Variants in CEP85L observed in about 807,000 individuals in gnomAD.
The protein encoded by CEP85L is centrosomal protein of 85 kDa-like.
Under a neutral mutation model 100.3 loss-of-function variants are expected in CEP85L, and 60 were observed. That is an observed-to-expected ratio of 0.60 (90% confidence interval 0.49 to 0.74). The LOEUF is 0.74. Among genes scored for constraint, CEP85L ranks in the 30% least tolerant of loss-of-function variants. The pLI, the probability that CEP85L is intolerant of heterozygous loss-of-function variation, is 0.00. For missense variants in CEP85L, 973 were observed against 936.2 expected (o/e 1.04, Z -0.51); for synonymous variants, 319 against 322.7 (o/e 0.99, Z 0.12).
chr6:118,473,240 A>T (rs1050546426), intron 10 of CEP85L, among the ~76,000 whole-genome samples: 10 of 152,310 alleles, frequency 6.6e-5, no homozygotes, highest in Admixed American at 3.9e-4. Flanking sequence ...AGACCAAAAG[A>T]AATAAAATAA....
intron 4 of CEP85L, among the ~76,000 whole-genome samples, chr6:118,517,162 GA>G (rs1776333693): frequency 6.6e-6 from 1 of 152,170 alleles, no homozygotes; most frequent in South Asian, 2.1e-4. Context: ...AGTATAGTTT[GA>G]AGTCAAGTAG....
At chr6:118,479,615 A>G (rs998054632) in intron 10 of CEP85L, among the ~76,000 whole-genome samples, 1 of 152,030 alleles carries the variant, frequency 6.6e-6, no homozygotes, top group African/African-American at 2.4e-5. Flanking sequence ...TTGGTTTTGT[A>G]TTCTCTCCAA....
intron 3 of CEP85L, among the ~76,000 whole-genome samples, chr6:118,545,974 TG>T (rs1778176207): frequency 6.6e-6 from 1 of 152,152 alleles, no homozygotes. Flanking sequence ...TAACTCCAAA[TG>T]AAGACTGTGA....
intron 5 of CEP85L, among the ~76,000 whole-genome samples, chr6:118,506,480 T>C (rs1775666474): frequency 6.6e-6 from 1 of 152,196 alleles, no homozygotes; most frequent in Non-Finnish European, 1.5e-5. Context: ...AGGTACTCTT[T>C]TACAATTTTC....
chr6:118,626,081 G>A (rs1773771900), intron 2 of CEP85L, among the ~76,000 whole-genome samples: 1 of 152,122 alleles, frequency 6.6e-6, no homozygotes, highest in African/African-American at 2.4e-5. Context: ...ACAGCAGTTG[G>A]GGTGTCCTGT....
At chr6:118,503,078 A>T (rs1302395255) in intron 5 of CEP85L, among the ~76,000 whole-genome samples, 3 of 152,222 alleles carry the variant, frequency 2.0e-5, no homozygotes, top group Non-Finnish European at 4.4e-5. Flanking sequence ...ACCTTCCTGG[A>T]ACTAATTATA....
chr6:118,551,353 C>A (rs1778532973), intron 3 of CEP85L, among the ~76,000 whole-genome samples: 1 of 151,286 alleles, frequency 6.6e-6, no homozygotes, highest in African/African-American at 2.4e-5. Flanking sequence ...TTGACTAACT[C>A]ACTCACATTA....
At chr6:118,585,054 T>C (rs769683102) in intron 2 of CEP85L, among the ~76,000 whole-genome samples, 10 of 152,188 alleles carry the variant, frequency 6.6e-5, no homozygotes, top group Non-Finnish European at 1.2e-4. Context: ...TCTTGACAGA[T>C]GGGAGCTCTT....
At chr6:118,707,392 C>T (rs137967979) in intron 1 of CEP85L, among the ~76,000 whole-genome samples, 124 of 151,748 alleles carry the variant, frequency 8.2e-4, no homozygotes, top group African/African-American at 2.8e-3. Context: ...TAAAATTTTG[C>T]CATGTTGCCC....
intron 1 of CEP85L, among the ~76,000 whole-genome samples, chr6:118,706,162 A>G (rs7746210): frequency 0.32 from 48,206 of 152,070 alleles, 8,063 homozygotes; most frequent in Non-Finnish European, 0.37. Context: ...CTTAAATTTA[A>G]CCACAGAACA....
chr6:118,604,388 T>C (rs1772037082), intron 2 of CEP85L, among the ~76,000 whole-genome samples: 1 of 152,232 alleles, frequency 6.6e-6, no homozygotes, highest in African/African-American at 2.4e-5. Context: ...CTCTCTCAAT[T>C]TTTTTCACAC....
At chr6:118,600,379 G>A (rs867657184) in intron 2 of CEP85L, among the ~76,000 whole-genome samples, 1 of 127,926 alleles carries the variant, frequency 7.8e-6, no homozygotes, top group African/African-American at 2.9e-5. Context: ...GTAACGCCAT[G>A]GAGCAATCTC....
chr6:118,560,631 A>G (rs1371416562), intron 3 of CEP85L: 1 of 167,020 alleles, frequency 6.0e-6, no homozygotes. Flanking sequence ...TTCTTCCTCT[A>G]TCAACCAAAT....
chr6:118,606,658 A>G (rs1772243648), intron 2 of CEP85L, among the ~76,000 whole-genome samples: 2 of 152,366 alleles, frequency 1.3e-5, no homozygotes, highest in African/African-American at 4.8e-5. Context: ...TGGAGACTTC[A>G]TCCAGTATTT....
At chr6:118,512,205 T>G (rs1208198229) in intron 4 of CEP85L, among the ~76,000 whole-genome samples, 1 of 152,074 alleles carries the variant, frequency 6.6e-6, no homozygotes, top group African/African-American at 2.4e-5. Flanking sequence ...AGCACAGGAA[T>G]GGTGGTCTCC....
At chr6:118,541,259 C>G (rs778280057) in intron 3 of CEP85L, among the ~76,000 whole-genome samples, 1 of 152,188 alleles carries the variant, frequency 6.6e-6, no homozygotes, top group African/African-American at 2.4e-5. Context: ...CAAATTAAAT[C>G]AGCAGATGAT....
At chr6:118,567,229 GTGTGTGTGTGTGTGTGTGTGTATATATA>G (rs1296911274) in intron 2 of CEP85L, among the ~76,000 whole-genome samples, 5 of 79,586 alleles carry the variant, frequency 6.3e-5, no homozygotes, top group African/African-American at 2.5e-4. Context: ...GTGTGTGTGT[GTGTGTGTGTGTGTGTGTGTGTATATATA>G]TATATATATA....
chr6:118,581,911 T>C (rs1400937729), intron 2 of CEP85L, among the ~76,000 whole-genome samples: 1 of 152,168 alleles, frequency 6.6e-6, no homozygotes, highest in African/African-American at 2.4e-5. Context: ...ATTTTAATAT[T>C]ATCCAACAGT....
At chr6:118,618,191 AG>A (rs1773196800) in intron 2 of CEP85L, among the ~76,000 whole-genome samples, 1 of 152,224 alleles carries the variant, frequency 6.6e-6, no homozygotes, top group Non-Finnish European at 1.5e-5. Context: ...AGCGTGAGAC[AG>A]CCACATCTTC....
Sources: gnomAD v4.1 joint callset for allele counts (sites outside exome capture counted in the v4.1 genomes callset) on GRCh38, gnomAD v4.1.1 for gene constraint, MANE v1.5 for transcripts, NCBI Gene and HGNC (gene_info 2026-07-23, HGNC 2026-07-21) for gene names.